BNC2: variants seen among roughly 807,000 people sequenced by gnomAD.
The protein encoded by BNC2 is zinc finger protein basonuclin-2.
A neutral mutation model predicts 76.3 loss-of-function variants in BNC2; 20 were observed. The ratio of observed to expected loss-of-function variants is 0.26; its 90% confidence interval spans 0.18 to 0.38. The LOEUF is 0.38. Ranked by LOEUF, BNC2 falls within the 10% of genes least tolerant of loss-of-function variation. BNC2 has a pLI of 1.00. For missense variants in BNC2, 1,382 were observed against 1,399.8 expected, an observed-to-expected ratio of 0.99 and a Z score of 0.20; for synonymous variants, 582 against 514.8, an observed-to-expected ratio of 1.13 and a Z score of -1.77.
intron 5 of BNC2, among the ~76,000 whole-genome samples, chr9:16,494,416 G>T (rs2131671854): frequency 6.6e-6 from 1 of 152,186 alleles, no homozygotes; most frequent in South Asian, 2.1e-4. Flanking sequence ...CTCCCAAAGT[G>T]CTGAGATTAC....
intron 4 of BNC2, among the ~76,000 whole-genome samples, chr9:16,568,914 A>G (rs976501720): frequency 6.6e-6 from 1 of 152,042 alleles, no homozygotes; most frequent in African/African-American, 2.4e-5. Context: ...GTACAAAATA[A>G]CTCATGTTCC....
intron 6 of BNC2, among the ~76,000 whole-genome samples, chr9:16,423,509 T>C (rs1394945311): frequency 1.3e-5 from 2 of 152,176 alleles, no homozygotes; most frequent in African/African-American, 2.4e-5. Flanking sequence ...CATAACTAAA[T>C]CTTACTCAAT....
chr9:16,531,052 G>T (rs574283366), intron 5 of BNC2, among the ~76,000 whole-genome samples: 2 of 152,270 alleles, frequency 1.3e-5, no homozygotes, highest in Admixed American at 1.3e-4. Flanking sequence ...GATAAACAAG[G>T]ATGCCTAGCC....
chr9:16,593,134 C>CAA (rs879819454), intron 3 of BNC2, among the ~76,000 whole-genome samples: 11 of 141,932 alleles, frequency 7.8e-5, no homozygotes, highest in African/African-American at 2.8e-4. Flanking sequence ...TGTATACCAG[C>CAA]AAAAAAAAAA....
At chr9:16,567,509 A>G (rs1275667943) in intron 4 of BNC2, among the ~76,000 whole-genome samples, 3 of 152,200 alleles carry the variant, frequency 2.0e-5, no homozygotes, top group Non-Finnish European at 4.4e-5. Context: ...TTGCTCCTCA[A>G]ACCTTCAAAT....
intron 5 of BNC2, among the ~76,000 whole-genome samples, chr9:16,477,732 A>C (rs967233723): frequency 6.6e-6 from 1 of 152,124 alleles, no homozygotes; most frequent in South Asian, 2.1e-4. Context: ...CAAAAATTTG[A>C]TATCTCTATT....
At position 16,609,312 on chromosome 9, in the gene BNC2, G is replaced by A. The variant is rs1169004685; in HGVS notation, c.331-26227C>T. ...TCAAGAAGCTTGAGCTGCAAGGAAA[G>A]TAAATAAGCAATTTCCAATAGAGGG... On this transcript the variant is annotated intron_variant, in intron 3 of 6. Transcript: ENST00000380672. Among the ~76,000 whole-genome samples, 5 of 152,110 alleles carry A rather than the reference G, an allele frequency of 3.3e-5. No homozygotes were observed. In the East Asian group the frequency reaches 9.6e-4, roughly 29 times the overall value.
intron 5 of BNC2, among the ~76,000 whole-genome samples, chr9:16,501,720 T>C (rs971924895): frequency 1.3e-5 from 2 of 152,172 alleles, no homozygotes; most frequent in Admixed American, 1.3e-4. Flanking sequence ...ATTGGTTTGA[T>C]GGAAACGCTG....
chr9:16,725,957 A>C (rs1824302603), intron 3 of BNC2, among the ~76,000 whole-genome samples: 1 of 149,054 alleles, frequency 6.7e-6, no homozygotes, highest in South Asian at 2.1e-4. Context: ...TTCTAGCTAG[A>C]GGGAGACGTA....
At chr9:16,485,551 G>A (rs111267351) in intron 5 of BNC2, among the ~76,000 whole-genome samples, 8 of 152,264 alleles carry the variant, frequency 5.3e-5, no homozygotes, top group African/African-American at 1.7e-4. Flanking sequence ...TGTCAGGGCC[G>A]GTCCTCCACC....
intron 3 of BNC2, among the ~76,000 whole-genome samples, chr9:16,613,983 A>G (rs1213329577): frequency 6.6e-6 from 1 of 152,236 alleles, no homozygotes; most frequent in East Asian, 1.9e-4. Flanking sequence ...AACAGCCACA[A>G]AAGAAAGGAA....
chr9:16,473,601 G>A lies in BNC2; in HGVS notation c.670-36077C>T, dbSNP rs147836174. Among the ~76,000 whole-genome samples the A allele has an allele frequency of 9.6e-3, 1,466 of 152,240 alleles. 30 individuals carry two copies. Among genetic ancestry groups the A allele is most frequent in the African/African-American group, 0.033 (1,357 of 41,556 alleles). The stretch of plus-strand genomic sequence containing the variant: ...TGAAGATACGATGATGGGACCGGGC[G>A]TGGTGGCTCATGCGTAATCCCAGCA... On this transcript the variant is annotated intron_variant, in intron 5 of 6. Transcript: ENST00000380672.
chr9:16,809,494 A>C (rs910413271), intron 1 of BNC2, among the ~76,000 whole-genome samples: 1 of 152,112 alleles, frequency 6.6e-6, no homozygotes, highest in African/African-American at 2.4e-5. Flanking sequence ...TAAATATGTG[A>C]TACTTTTATT....
chr9:16,843,588 C>T (rs867199850), intron 1 of BNC2, among the ~76,000 whole-genome samples: 1 of 152,246 alleles, frequency 6.6e-6, no homozygotes. Flanking sequence ...CCCGCCTTGG[C>T]CTCCTGAAGT....
chr9:16,649,837 T>TG (rs1174841433), intron 3 of BNC2, among the ~76,000 whole-genome samples: 2 of 152,160 alleles, frequency 1.3e-5, no homozygotes, highest in Non-Finnish European at 2.9e-5. Flanking sequence ...TATACTAACA[T>TG]GCCAAGATCA....
intron 3 of BNC2, among the ~76,000 whole-genome samples, chr9:16,678,156 G>C (rs1028665685): frequency 2.6e-5 from 4 of 151,782 alleles, no homozygotes; most frequent in Non-Finnish European, 4.4e-5. Flanking sequence ...AGGCAGTAAG[G>C]TAAGGGAGGG....
chr9:16,632,108 T>C (rs1172361665), intron 3 of BNC2, among the ~76,000 whole-genome samples: 2 of 152,160 alleles, frequency 1.3e-5, no homozygotes, highest in Non-Finnish European at 2.9e-5. Flanking sequence ...CTTCACCTAA[T>C]TCAGCAGTGA....
At chr9:16,513,650 C>G (rs1052271443) in intron 5 of BNC2, among the ~76,000 whole-genome samples, 2 of 152,112 alleles carry the variant, frequency 1.3e-5, no homozygotes, top group African/African-American at 4.8e-5. Context: ...CAACGAAACA[C>G]AGAGGGGTAC....
At chr9:16,818,989 G>A (rs926612334) in intron 1 of BNC2, among the ~76,000 whole-genome samples, 1 of 152,096 alleles carries the variant, frequency 6.6e-6, no homozygotes, top group Non-Finnish European at 1.5e-5. Flanking sequence ...ATAAAAAAAA[G>A]TCCCTTCATC....
Sources: allele counts gnomAD v4.1 joint callset (sites outside exome capture counted in the v4.1 genomes callset), GRCh38; gene constraint gnomAD v4.1.1; transcripts MANE v1.5; gene names NCBI Gene and HGNC (gene_info 2026-07-23, HGNC 2026-07-21).